The following ABCB5 variants were observed in gnomAD, a reference collection of about 807,000 sequenced individuals.
The protein encoded by ABCB5 is ATP-binding cassette sub-family B member 5.
A neutral mutation model predicts 144.2 loss-of-function variants in ABCB5; 155 were observed. The observed-to-expected ratio is 1.08, with a 90% CI of 0.94 to 1.23. ABCB5 has a LOEUF of 1.23. Ranked by LOEUF, ABCB5 falls within the 50% of genes most tolerant of loss-of-function variation. ABCB5 has a pLI of 0.00. For missense variants in ABCB5, 1,830 were observed against 1,520.8 expected, an observed-to-expected ratio of 1.20 and a Z score of -3.38; for synonymous variants, 610 against 528.6, an observed-to-expected ratio of 1.15 and a Z score of -2.11.
intron 5 of ABCB5, among the ~76,000 whole-genome samples, chr7:20,636,827 A>G (rs977824050): frequency 4.6e-5 from 7 of 151,204 alleles, no homozygotes; most frequent in Non-Finnish European, 8.8e-5. Context: ...TACCTATAAT[A>G]TTCAGTACAT....
chr7:20,744,337 A>G (rs1181478668), intron 25 of ABCB5, among the ~76,000 whole-genome samples: 3 of 151,894 alleles, frequency 2.0e-5, no homozygotes, highest in Non-Finnish European at 2.9e-5. Context: ...CAGTCTCCTC[A>G]TGTTCTTTAA....
Position 20,743,041 on chromosome 7 carries a change from G to A in ABCB5, c.3189G>A (p.Leu1063=). ...GGAAAAGCACTTCTGTTCAACTTCT[G>A]CAGAGACTTTATGACCCCGTGCAAG... The part of the protein sequence containing the change: ...GCGKSTSVQL[L]QRLYDPVQGQ... The change falls in exon 25 of 28, where the codon CTG becomes CTA. Residue 1063 remains leucine (L), a synonymous_variant. Transcript: ENST00000404938. The A allele has an allele frequency of 1.2e-6, 2 of 1,614,124 alleles. No individual in the cohort carries two copies. The highest frequency in any genetic ancestry group is 8.5e-7 in the Non-Finnish European group (1 of 1,179,994).
chr7:20,717,832 A>C (rs1460695278), intron 20 of ABCB5, among the ~76,000 whole-genome samples: 1 of 119,248 alleles, frequency 8.4e-6, no homozygotes, highest in African/African-American at 3.2e-5. Flanking sequence ...TCTATAATTT[A>C]TTTATTTATA....
chr7:20,680,994 CTTTCTTTCTTTCTT>C (rs1384157822), intron 14 of ABCB5, among the ~76,000 whole-genome samples: 7 of 15,982 alleles, frequency 4.4e-4, no homozygotes, highest in African/African-American at 1.1e-3. Flanking sequence ...TTCTTTCTTT[CTTTCTTTCTTTCTT>C]TCTTTCTTTC....
intron 14 of ABCB5, among the ~76,000 whole-genome samples, chr7:20,676,628 A>G (rs1785622507): frequency 6.6e-6 from 1 of 152,204 alleles, no homozygotes; most frequent in Non-Finnish European, 1.5e-5. Context: ...CAGTGGGAAT[A>G]AAATTTCATT....
At chr7:20,755,282 G>T in intron 27 of ABCB5, 145 bp from the exon 28 acceptor site, 3 of 659,472 alleles carry the variant, frequency 4.5e-6, no homozygotes, top group Non-Finnish European at 5.2e-6. Flanking sequence ...ATTGAGTAAG[G>T]TGATTATTTT....
At chr7:20,697,137 A>G (rs979431847) in intron 16 of ABCB5, among the ~76,000 whole-genome samples, 7 of 152,180 alleles carry the variant, frequency 4.6e-5, no homozygotes, top group African/African-American at 1.4e-4. Context: ...TTTGATGATG[A>G]GCTTTAGAAA....
At position 20,674,749 on chromosome 7, in the gene ABCB5, T is replaced by TACACACAC. The variant is rs71555815; in HGVS notation, c.1708-6728_1708-6721dup. Among the ~76,000 whole-genome samples the TACACACAC allele has an allele frequency of 3.9e-3, 547 of 140,338 alleles. 1 individual carries two copies. The highest frequency in any genetic ancestry group is 0.011 in the African/African-American group (415 of 38,170). 92.1% of individuals were successfully genotyped at this position (140,338 alleles called of 152,430 possible). On this transcript the variant is annotated intron_variant, in intron 14 of 27. Transcript: ENST00000404938. ...CTTAAAATTTGAAAACTCTAAAGAC[T>TACACACAC]ACACACACACACACACACACACACA...
intron 5 of ABCB5, among the ~76,000 whole-genome samples, chr7:20,636,078 G>A (rs1784149441): frequency 6.6e-6 from 1 of 152,056 alleles, no homozygotes; most frequent in African/African-American, 2.4e-5. Context: ...GTGTTGTTCT[G>A]GGCTACAATG....
intron 15 of ABCB5, among the ~76,000 whole-genome samples, chr7:20,683,448 C>G (rs975300256): frequency 2.0e-5 from 3 of 152,164 alleles, no homozygotes; most frequent in African/African-American, 7.2e-5. Flanking sequence ...TCGAATTAAG[C>G]CTATTTTAAG....
chr7:20,736,710 G>T (rs111313100), intron 23 of ABCB5, among the ~76,000 whole-genome samples: 1 of 152,144 alleles, frequency 6.6e-6, no homozygotes, highest in South Asian at 2.1e-4. Context: ...ACTATGTTAC[G>T]GAGTTACAGC....
In ABCB5 at chr7:20,698,437, A is replaced by C. The variant is rs1327115920; in HGVS notation, c.2041A>C (p.Ile681Leu). The change falls in exon 17 of 28, where the codon ATT becomes CTT. Residue 681 changes from isoleucine (I) to leucine (L), a missense_variant. Transcript: ENST00000404938. Reference protein sequence around the residue: ...ISLPEVSLLKILKLNKPEWPF... With the variant: ...ISLPEVSLLKLLKLNKPEWPF... ...TCTTCCTGAAGTCTCTCTATTAAAA[A>C]TTTTAAAGTTAAACAAGCCTGAATG... The C allele has an allele frequency of 3.8e-6, 6 of 1,582,256 alleles. No individual in the cohort carries two copies. Among genetic ancestry groups the C allele is most frequent in the Non-Finnish European group, 5.1e-6 (6 of 1,170,820 alleles).
intron 14 of ABCB5, among the ~76,000 whole-genome samples, chr7:20,677,152 C>G (rs1194936928): frequency 6.6e-6 from 1 of 152,116 alleles, no homozygotes; most frequent in Non-Finnish European, 1.5e-5. Flanking sequence ...GTTCATAAAA[C>G]TTGTTCAGCT....
intron 7 of ABCB5, 100 bp downstream of exon 7, chr7:20,643,732 G>A (rs1039847134): frequency 2.6e-5 from 33 of 1,287,770 alleles, no homozygotes; most frequent in Non-Finnish European, 3.5e-5. Context: ...CACTTGCCAT[G>A]TCCCAAACTA....
At chr7:20,667,801 C>G (rs558759820) in intron 14 of ABCB5, among the ~76,000 whole-genome samples, 2 of 150,232 alleles carry the variant, frequency 1.3e-5, no homozygotes, top group Non-Finnish European at 3.0e-5. Context: ...GCTGCCATCT[C>G]GGCTCACTGC....
chr7:20,642,509 C>A (rs1231548652), intron 5 of ABCB5, among the ~76,000 whole-genome samples: 1 of 152,182 alleles, frequency 6.6e-6, no homozygotes, highest in African/African-American at 2.4e-5. Context: ...CCGTTTACTT[C>A]CTTCCTAGAA....
intron 20 of ABCB5, among the ~76,000 whole-genome samples, chr7:20,711,125 A>G (rs1787011847): frequency 7.2e-6 from 1 of 139,330 alleles, no homozygotes; most frequent in Admixed American, 7.2e-5. Flanking sequence ...CTCCTTCTAT[A>G]TATGTAATAA....
chr7:20,621,885 G>T (rs1449870436), intron 1 of ABCB5, among the ~76,000 whole-genome samples: 1 of 152,034 alleles, frequency 6.6e-6, no homozygotes. Context: ...AAAAGATATG[G>T]GACTGTGCAA....
In ABCB5 at chr7:20,748,990, C is replaced by G. The variant is rs1782823364; in HGVS notation, c.3429+3552C>G. Among the ~76,000 whole-genome samples the G allele has an allele frequency of 2.0e-5, 3 of 152,206 alleles. No homozygotes were observed. The South Asian group carries it at 6.2e-4, about 32-fold the overall frequency. On this transcript the variant is annotated intron_variant, in intron 26 of 27. Transcript: ENST00000404938. ...CTACAAACTTTGTGGATTGACCAAT[C>G]TGCCATGTCCTGCTTCCTCAAAATT... is the stretch of plus-strand genomic sequence containing the variant.
Sources: allele counts gnomAD v4.1 joint callset (sites outside exome capture counted in the v4.1 genomes callset), GRCh38; gene constraint gnomAD v4.1.1; transcripts MANE v1.5; gene names NCBI Gene and HGNC (gene_info 2026-07-23, HGNC 2026-07-21).